ZNF804B: variants seen among roughly 807,000 people sequenced by gnomAD.
ZNF804B encodes zinc finger 804B.
A neutral mutation model predicts 101.4 loss-of-function variants in ZNF804B; 80 were observed. The ratio of observed to expected loss-of-function variants is 0.79; its 90% CI spans 0.66 to 0.95. ZNF804B has a LOEUF of 0.95. Ranked by LOEUF, ZNF804B falls within the 40% of genes least tolerant of loss-of-function variation. ZNF804B has a pLI of 0.00. For missense variants in ZNF804B, 1,673 were observed against 1,561.9 expected (o/e 1.07, Z -1.20); for synonymous variants, 622 against 558.8 (o/e 1.11, Z -1.59).
At chr7:89,211,887 C>T (rs1197259355) in intron 1 of ZNF804B, among the ~76,000 whole-genome samples, 1 of 152,020 alleles carries the variant, frequency 6.6e-6, no homozygotes, top group Non-Finnish European at 1.5e-5. Flanking sequence ...GAAGAATGTC[C>T]ATGGTAGTTT....
chr7:89,251,200 C>T (rs1584083441), intron 2 of ZNF804B, among the ~76,000 whole-genome samples: 1 of 152,106 alleles, frequency 6.6e-6, no homozygotes, highest in Non-Finnish European at 1.5e-5. Context: ...ACTCTAAAGA[C>T]TCTACAAAAA....
At chr7:89,086,806 T>G (rs1217744488) in intron 1 of ZNF804B, among the ~76,000 whole-genome samples, 1 of 151,826 alleles carries the variant, frequency 6.6e-6, no homozygotes, top group Non-Finnish European at 1.5e-5. Context: ...CCTAGAAGCT[T>G]GTGTGTAAGT....
chr7:88,866,672 A>G (rs962782403), intron 1 of ZNF804B, among the ~76,000 whole-genome samples: 1 of 152,226 alleles, frequency 6.6e-6, no homozygotes, highest in Non-Finnish European at 1.5e-5. Flanking sequence ...GAGTAATCCC[A>G]GCCAGTGCCA....
At chr7:89,322,532 A>G (rs1562945386) in intron 2 of ZNF804B, among the ~76,000 whole-genome samples, 1 of 152,150 alleles carries the variant, frequency 6.6e-6, no homozygotes, top group Non-Finnish European at 1.5e-5. Flanking sequence ...ATCACTAGAA[A>G]GACTGGTGAA....
intron 2 of ZNF804B, among the ~76,000 whole-genome samples, chr7:89,233,158 C>T (rs1219849207): frequency 6.6e-6 from 1 of 152,142 alleles, no homozygotes; most frequent in Non-Finnish European, 1.5e-5. Flanking sequence ...CATCTCCTGA[C>T]CTCGTGATCC....
At chr7:89,042,733 C>T (rs538652604) in intron 1 of ZNF804B, among the ~76,000 whole-genome samples, 212 of 152,146 alleles carry the variant, frequency 1.4e-3, no homozygotes, top group African/African-American at 5.0e-3. Context: ...TCATCTTATC[C>T]GAGATTCTAC....
intron 2 of ZNF804B, among the ~76,000 whole-genome samples, chr7:89,303,292 A>C (rs888972427): frequency 6.6e-6 from 1 of 151,956 alleles, no homozygotes; most frequent in African/African-American, 2.4e-5. Context: ...AAGCTTTCAT[A>C]GTTGTATTTT....
intron 1 of ZNF804B, among the ~76,000 whole-genome samples, chr7:88,990,391 C>A (rs1463219365): frequency 1.3e-5 from 2 of 152,062 alleles, no homozygotes; most frequent in African/African-American, 4.8e-5. Flanking sequence ...TACTTTCTCT[C>A]TCTCTGGATA....
At chr7:88,877,151 C>A (rs1424492570) in intron 1 of ZNF804B, among the ~76,000 whole-genome samples, 3 of 142,648 alleles carry the variant, frequency 2.1e-5, no homozygotes, top group Non-Finnish European at 4.5e-5. Context: ...CCTCCACCTC[C>A]CAGGTTCAAG....
chr7:88,887,540 A>G (rs371087947), intron 1 of ZNF804B, among the ~76,000 whole-genome samples: 1 of 152,082 alleles, frequency 6.6e-6, no homozygotes, highest in Non-Finnish European at 1.5e-5. Flanking sequence ...TCTTTTCCCT[A>G]TTCCTTGTTC....
At chr7:88,855,596 T>C (rs1433362194) in intron 1 of ZNF804B, among the ~76,000 whole-genome samples, 13 of 152,118 alleles carry the variant, frequency 8.5e-5, no homozygotes, top group East Asian at 7.7e-4. Context: ...TGTGCAGAAG[T>C]TCTTTAGTTT....
chr7:88,808,625 A>T (rs1790728584), intron 1 of ZNF804B, among the ~76,000 whole-genome samples: 1 of 152,184 alleles, frequency 6.6e-6, no homozygotes, highest in Non-Finnish European at 1.5e-5. Flanking sequence ...TTGTCAGTAG[A>T]CATTAGACAT....
intron 1 of ZNF804B, among the ~76,000 whole-genome samples, chr7:88,814,390 A>G (rs570873979): frequency 6.6e-6 from 1 of 151,846 alleles, no homozygotes; most frequent in South Asian, 2.1e-4. Flanking sequence ...GGTTTGATGT[A>G]TAATCTTTCT....
At chr7:88,845,115 G>T (rs1202498391) in intron 1 of ZNF804B, among the ~76,000 whole-genome samples, 1 of 152,120 alleles carries the variant, frequency 6.6e-6, no homozygotes, top group Non-Finnish European at 1.5e-5. Context: ...ATAAGGCAAG[G>T]GGTGGTTCAA....
chr7:88,923,440 G>A (rs894181126), intron 1 of ZNF804B, among the ~76,000 whole-genome samples: 17 of 152,008 alleles, frequency 1.1e-4, no homozygotes, highest in African/African-American at 4.1e-4. Context: ...AGTCTATAAT[G>A]TTTGTCATCC....
At chr7:89,156,665 C>T (rs989320910) in intron 1 of ZNF804B, among the ~76,000 whole-genome samples, 4 of 151,860 alleles carry the variant, frequency 2.6e-5, no homozygotes, top group African/African-American at 4.8e-5. Flanking sequence ...AACTGACTAT[C>T]TCTGGAGCAA....
chr7:88,989,699 G>T (rs1367983457), intron 1 of ZNF804B, among the ~76,000 whole-genome samples: 1 of 151,918 alleles, frequency 6.6e-6, no homozygotes, highest in East Asian at 1.9e-4. Context: ...TTATAATTTT[G>T]CTCTTTTATG....
intron 1 of ZNF804B, among the ~76,000 whole-genome samples, chr7:89,070,430 C>A (rs1789519152): frequency 6.6e-6 from 1 of 152,058 alleles, no homozygotes; most frequent in Non-Finnish European, 1.5e-5. Flanking sequence ...TCAGATCTGG[C>A]TCCCAGAATG....
rs183694360 is a variant in ZNF804B, at chr7:89,029,394, G to A, written c.109-188761G>A. On this transcript the variant is annotated intron_variant, in intron 1 of 3. Coordinates refer to ENST00000333190, the MANE Select transcript of ZNF804B (RefSeq NM_181646.5). ...GCTGGGATTACAGGTGTGAGCCACTGTGCCTGGCCTAGAAAAGCTAATATT... is the reference window on the plus strand; with the variant it reads ...GCTGGGATTACAGGTGTGAGCCACTATGCCTGGCCTAGAAAAGCTAATATT... Among the ~76,000 whole-genome samples the A allele has an allele frequency of 2.8e-3, 429 of 152,260 alleles. 7 individuals are homozygous for A. The highest frequency in any genetic ancestry group is 3.7e-4 in the Non-Finnish European group (25 of 68,020).
Sources: allele counts gnomAD v4.1 joint callset (sites outside exome capture counted in the v4.1 genomes callset), GRCh38; gene constraint gnomAD v4.1.1; transcripts MANE v1.5; gene names NCBI Gene and HGNC (gene_info 2026-07-23, HGNC 2026-07-21).